CKAP5: variants seen among roughly 807,000 people sequenced by gnomAD.
CKAP5 encodes the protein cytoskeleton-associated protein 5.
CKAP5 carries 27 observed loss-of-function variants against 232.8 expected under a neutral mutation model. The observed-to-expected ratio is 0.12, with a 90% CI of 0.09 to 0.16. The LOEUF (loss-of-function observed/expected upper bound fraction) is 0.16, where lower values mean the gene tolerates loss of function less well. Among genes scored for constraint, CKAP5 ranks in the 10% least tolerant of loss-of-function variants. The pLI is 1.00. For missense variants in CKAP5, 1,838 were observed against 2,424.7 expected, an observed-to-expected ratio of 0.76 and a Z score of 5.08; for synonymous variants, 785 against 841.1, an observed-to-expected ratio of 0.93 and a Z score of 1.16.
intron 28 of CKAP5, 136 bp downstream of exon 28, chr11:46,764,994 AC>A: frequency 1.5e-6 from 1 of 667,062 alleles, no homozygotes; most frequent in Admixed American, 3.3e-5. Flanking sequence ...GCTCCCATAA[AC>A]TAAATAATAT....
rs1939224784 is a variant in CKAP5, at chr11:46,809,322, G to A, written c.864+78C>T. ...GATGGAAGGGGGTGCATCAGGCAAGGGCTCAGCAGAGTATTCTAATTCTAT... is the reference window on the plus strand; with the variant it reads ...GATGGAAGGGGGTGCATCAGGCAAGAGCTCAGCAGAGTATTCTAATTCTAT... On this transcript the variant is annotated intron_variant, in intron 7 of 43. Transcript: ENST00000529230. 9.4e-6 allele frequency: 9 copies of A among 958,568 alleles called. No homozygotes were observed. In the South Asian group the frequency reaches 1.3e-4, roughly 13 times the overall value. The allele number at this position is 958,568 out of a possible 1,614,324, so 59.4% of individuals were successfully genotyped here. A position where few individuals can be genotyped will look rare whatever the true frequency, so the allele number is the denominator to read the frequency against.
chr11:46,841,129 G>A (rs1002943238), intron 1 of CKAP5, among the ~76,000 whole-genome samples: 1 of 152,240 alleles, frequency 6.6e-6, no homozygotes, highest in East Asian at 1.9e-4. Context: ...AATTAGATGG[G>A]TGTTGTGGTG....
At chr11:46,780,571 G>A in intron 18 of CKAP5, 86 bp from the exon 19 acceptor site, 1 of 1,036,018 alleles carries the variant, frequency 9.7e-7, no homozygotes, top group Non-Finnish European at 1.4e-6. Flanking sequence ...CTCTAGGACT[G>A]GCTCCCTTTG....
intron 13 of CKAP5, among the ~76,000 whole-genome samples, chr11:46,794,790 C>T (rs756567569): frequency 2.4e-4 from 36 of 151,874 alleles, no homozygotes; most frequent in Non-Finnish European, 4.3e-4. Flanking sequence ...GAGCTATAAT[C>T]GCACCACTGC....
chr11:46,790,127 A>C lies in CKAP5; in HGVS notation c.1824T>G (p.Leu608=). The change falls in exon 15 of 44, where the codon CTT becomes CTG. Residue 608 remains leucine (L), a synonymous_variant. Transcript: ENST00000529230. ...AVLPPTCIQL[L]DSSNWKERLA... The stretch of plus-strand genomic sequence containing the variant: ...GCCTTTCTTTCCAGTTACTGCTGTC[A>C]AGAAGCTGTATACAGGTAGGGGGAA... The C allele has an allele frequency of 6.2e-7, 1 of 1,612,110 alleles. No individual in the cohort carries two copies. The highest frequency in any genetic ancestry group is 1.7e-4 in the Middle Eastern group (1 of 6,048).
rs746813524 is a variant in CKAP5, at chr11:46,750,373, G to A, written c.5605C>T (p.Leu1869=). 1 of 1,614,146 alleles carries A rather than the reference G, an allele frequency of 6.2e-7. No homozygotes were observed. Among genetic ancestry groups the A allele is most frequent in the Non-Finnish European group, 8.5e-7 (1 of 1,179,988 alleles). Residue 1869 remains leucine (L), a synonymous_variant, in exon 42 of 44, where the codon CTG becomes TTG. Coordinates refer to ENST00000529230, the MANE Select transcript of CKAP5 (RefSeq NM_001008938.4). ...KYSDADIEPF[L]KNSSQFFQSY... ...TGGAAGAACTGTGAGGAATTTTTCAGAAATGGTTCAATGTCAGCATCTGAG... is the reference window on the plus strand; with the variant it reads ...TGGAAGAACTGTGAGGAATTTTTCAAAAATGGTTCAATGTCAGCATCTGAG...
intron 42 of CKAP5, among the ~76,000 whole-genome samples, chr11:46,745,352 G>A (rs963773752): frequency 6.6e-6 from 1 of 152,190 alleles, no homozygotes; most frequent in African/African-American, 2.4e-5. Context: ...AAGATGAGGA[G>A]AATCCTCTGA....
rs1047437877 is a variant in CKAP5 at position 46,749,861 on chromosome 11, G to A, written c.5704+413C>T. On this transcript the variant is annotated intron_variant, in intron 42 of 43. Coordinates refer to ENST00000529230, the MANE Select transcript of CKAP5 (RefSeq NM_001008938.4). ...AGCTACTCGGGAGGCTGAGGCAGGAGAATAGCTTGAACCCGAGATTGCACC... is the reference window on the plus strand; with the variant it reads ...AGCTACTCGGGAGGCTGAGGCAGGAAAATAGCTTGAACCCGAGATTGCACC... Among the ~76,000 whole-genome samples, 14 of 149,304 alleles carry A rather than the reference G, an allele frequency of 9.4e-5. No individual in the cohort carries two copies. The Middle Eastern group carries it at 0.01, about 112-fold the overall frequency.
At chr11:46,801,629 C>T (rs1428645833) in intron 8 of CKAP5, among the ~76,000 whole-genome samples, 2 of 151,744 alleles carry the variant, frequency 1.3e-5, no homozygotes, top group Non-Finnish European at 2.9e-5. Flanking sequence ...GAGATTGCAC[C>T]ATTGCACTCC....
rs780036834 is a variant in CKAP5, at chr11:46,809,419, T to C, written c.845A>G (p.Lys282Arg). ...EAVEILSKLP[K>R]DFYDKIEAKK... ...ACTTACAATTTTGTCATAAAAGTCT[T>C]TGGGAAGTTTGGAAAGGATTTCTAC... Residue 282 changes from lysine (K) to arginine (R), a missense_variant, in exon 7 of 44, where the codon AAA (lysine) becomes AGA (arginine). Coordinates refer to ENST00000529230, the MANE Select transcript of CKAP5 (RefSeq NM_001008938.4). The C allele has an allele frequency of 3.7e-6, 6 of 1,606,426 alleles. No individual in the cohort carries two copies. In the African/African-American group the frequency reaches 8.0e-5, roughly 22 times the overall value.
chr11:46,779,540 A>G (rs2065321052), intron 20 of CKAP5, among the ~76,000 whole-genome samples: 1 of 152,238 alleles, frequency 6.6e-6, no homozygotes, highest in Non-Finnish European at 1.5e-5. Context: ...TATGTTGCCC[A>G]GGCTGGAGTG....
At chr11:46,833,788 A>T (rs1308517813) in intron 1 of CKAP5, among the ~76,000 whole-genome samples, 2 of 151,682 alleles carry the variant, frequency 1.3e-5, no homozygotes, top group Admixed American at 6.6e-5. Flanking sequence ...AGTAAGTAGT[A>T]GTATTAACAG....
chr11:46,780,439 C>T lies in CKAP5; in HGVS notation c.2296G>A (p.Ala766Thr). Residue 766 changes from alanine (A) to threonine (T), a missense_variant, in exon 19 of 44, where the codon GCA (alanine) becomes ACA (threonine). Physicochemically the swap from Ala to Thr is moderately conservative, Grantham distance 58. Transcript: ENST00000529230. ...FISNVKTALA[A>T]TNPAVRTAAI... ...TGTTATGTACTCACTGGGTTTGTTGCAGCAAGAGCTGTCTTCACATTGCTA... is the reference window on the plus strand; with the variant it reads ...TGTTATGTACTCACTGGGTTTGTTGTAGCAAGAGCTGTCTTCACATTGCTA... 1.2e-6 allele frequency: 2 copies of T among 1,613,850 alleles called. No homozygotes were observed. The highest frequency in any genetic ancestry group is 1.7e-6 in the Non-Finnish European group (2 of 1,179,834).
At chr11:46,840,524 T>G (rs1199805552) in intron 1 of CKAP5, among the ~76,000 whole-genome samples, 2 of 152,180 alleles carry the variant, frequency 1.3e-5, no homozygotes, top group Non-Finnish European at 2.9e-5. Context: ...GTTAAAGTTG[T>G]TTATTATTTT....
At chr11:46,772,413 C>G (rs2065255346) in intron 24 of CKAP5, among the ~76,000 whole-genome samples, 5 of 152,114 alleles carry the variant, frequency 3.3e-5, no homozygotes. Context: ...CTAGTTTGCA[C>G]TTAAAAGTTC....
Position 46,743,231 on chromosome 11 carries a change from A to T in CKAP5, c.*792T>A, listed in dbSNP as rs2064997918. 6.6e-6 allele frequency: 1 copy of T among 152,214 alleles called. No homozygotes were observed. The highest frequency in any genetic ancestry group is 2.1e-4 in the South Asian group (1 of 4,830). The allele number at this position is 152,214 out of a possible 1,614,324, so 9.4% of individuals were successfully genotyped here. A position where few individuals can be genotyped will look rare whatever the true frequency, so the allele number is the denominator to read the frequency against. Reference sequence around the variant, plus strand: ...GCAATCTTGTGTGCCTTTGGTCAGCAAAGTGGTAGGATGCCCAAGAGCTTC... The same window carrying T: ...GCAATCTTGTGTGCCTTTGGTCAGCTAAGTGGTAGGATGCCCAAGAGCTTC... On this transcript the variant is annotated 3_prime_UTR_variant, in exon 44 of 44. Coordinates refer to ENST00000529230, the MANE Select transcript of CKAP5 (RefSeq NM_001008938.4).
In CKAP5 at chr11:46,784,473, TTC is replaced by T; in HGVS notation, c.2154+13_2154+14del. On this transcript the variant is annotated intron_variant, in intron 17 of 43. Coordinates refer to ENST00000529230, the MANE Select transcript of CKAP5 (RefSeq NM_001008938.4). The stretch of plus-strand genomic sequence containing the variant: ...ATTGGGAAAACTAGAGGAATAAGAC[TTC>T]TGTGTCACTAACCTGTTCAGCAGTC... 1 of 1,595,332 alleles carries T rather than the reference TTC, an allele frequency of 6.3e-7. No individual in the cohort carries two copies. Among genetic ancestry groups the T allele is most frequent in the East Asian group, 2.2e-5 (1 of 44,500 alleles).
chr11:46,801,401 G>A (rs962455647), intron 8 of CKAP5, 97 bp from the exon 9 acceptor site: 10 of 874,418 alleles, frequency 1.1e-5, no homozygotes, highest in African/African-American at 6.7e-5. Flanking sequence ...CGGGTGCAGC[G>A]GCTCACACCT....
At chr11:46,773,865 A>G (rs2065270058) in intron 24 of CKAP5, among the ~76,000 whole-genome samples, 1 of 152,020 alleles carries the variant, frequency 6.6e-6, no homozygotes, top group Non-Finnish European at 1.5e-5. Context: ...TTCTGATTAA[A>G]ACCTCTGATT....
Sources: allele counts gnomAD v4.1 joint callset (sites outside exome capture counted in the v4.1 genomes callset), GRCh38; gene constraint gnomAD v4.1.1; transcripts MANE v1.5; gene names NCBI Gene and HGNC (gene_info 2026-07-23, HGNC 2026-07-21).